Variants in HECW1 observed in about 807,000 individuals in gnomAD.
HECW1 encodes the protein E3 ubiquitin-protein ligase HECW1.
Under a neutral mutation model 182.3 loss-of-function variants are expected in HECW1, and 61 were observed. The observed-to-expected ratio is 0.33, with a 90% CI of 0.27 to 0.41. The LOEUF is 0.41. HECW1 is among the 10% of genes least tolerant of loss of function. The pLI is 1.00. For missense variants in HECW1, 1,739 were observed against 2,108.9 expected (o/e 0.82, Z 3.44); for synonymous variants, 859 against 832.6 (o/e 1.03, Z -0.55).
intron 16 of HECW1, among the ~76,000 whole-genome samples, chr7:43,471,748 G>A (rs1400811531): frequency 6.6e-6 from 1 of 152,174 alleles, no homozygotes; most frequent in East Asian, 1.9e-4. Context: ...GGCCCCATGG[G>A]TCCTATCTTG....
intron 2 of HECW1, among the ~76,000 whole-genome samples, chr7:43,206,346 G>T (rs527561114): frequency 6.6e-6 from 1 of 152,262 alleles, no homozygotes; most frequent in East Asian, 1.9e-4. Flanking sequence ...CAGGGGAGAG[G>T]AGAGGGAAAT....
chr7:43,211,045 CT>C (rs112987976), intron 2 of HECW1, among the ~76,000 whole-genome samples: 7 of 152,318 alleles, frequency 4.6e-5, no homozygotes, highest in African/African-American at 1.7e-4. Flanking sequence ...TCCTGCAGTG[CT>C]CTCAGGCGAT....
At chr7:43,247,196 C>G (rs1385034235) in intron 3 of HECW1, among the ~76,000 whole-genome samples, 1 of 152,164 alleles carries the variant, frequency 6.6e-6, no homozygotes, top group Non-Finnish European at 1.5e-5. Flanking sequence ...GTGGAATTTA[C>G]TGCCTTAAGG....
In HECW1 at chr7:43,565,103, A is replaced by C. The variant is rs2082298945; in HGVS notation, c.*3177A>C. 5.1e-6 allele frequency: 1 copy of C among 196,808 alleles called. No homozygotes were observed. The highest frequency in any genetic ancestry group is 1.1e-5 in the Non-Finnish European group (1 of 95,066). The allele number at this position is 196,808 out of a possible 1,614,324, so 12.2% of individuals were successfully genotyped here. ...GTGTTATAATAATTTCATGGATATC[A>C]CAAATGTTTTATTCTACAGTGTGAA... On this transcript the variant is annotated 3_prime_UTR_variant, in exon 30 of 30. Transcript: ENST00000395891.
chr7:43,123,382 T>A (rs1374372857), intron 2 of HECW1, among the ~76,000 whole-genome samples: 1 of 152,148 alleles, frequency 6.6e-6, no homozygotes, highest in East Asian at 1.9e-4. Context: ...TGACCTTGGG[T>A]CCCTTAGGGC....
chr7:43,488,430 GAAAGAGAAAGAAAGAAAGAAAGAAAGAA>G (rs1318161073), intron 17 of HECW1, among the ~76,000 whole-genome samples: 2 of 86,600 alleles, frequency 2.3e-5, no homozygotes, highest in Non-Finnish European at 4.7e-5. Context: ...GAGAAAGAAA[GAAAGAGAAAGAAAGAAAGAAAGAAAGAA>G]AGAAAGAAAG....
intron 26 of HECW1, among the ~76,000 whole-genome samples, chr7:43,542,940 G>A (rs972504215): frequency 5.3e-5 from 8 of 152,160 alleles, no homozygotes; most frequent in African/African-American, 1.7e-4. Flanking sequence ...TCATACATAC[G>A]TCAGGGATTT....
intron 10 of HECW1, among the ~76,000 whole-genome samples, chr7:43,443,793 CT>C (rs531140313): frequency 8.1e-4 from 123 of 152,262 alleles, no homozygotes; most frequent in African/African-American, 2.8e-3. Context: ...CCTGCAGGAC[CT>C]AAGCATAGGA....
Position 43,507,270 on chromosome 7 carries a change from G to A in HECW1, c.3752+13G>A. ...CGGGGAAAATTAAGTGAGTGCTCCA[G>A]TGCTTGGCACTGAATTCAGACAGTA... On this transcript the variant is annotated intron_variant, in intron 22 of 29. Coordinates refer to ENST00000395891, the MANE Select transcript of HECW1 (RefSeq NM_015052.5). The A allele has an allele frequency of 6.2e-7, 1 of 1,611,582 alleles. No homozygotes were observed. The highest frequency in any genetic ancestry group is 1.1e-5 in the South Asian group (1 of 91,016).
chr7:43,384,248 C>T (rs571757894), intron 6 of HECW1, among the ~76,000 whole-genome samples: 10 of 152,304 alleles, frequency 6.6e-5, no homozygotes, highest in Admixed American at 3.9e-4. Flanking sequence ...GGGTTCTCCA[C>T]GTACCCCCTG....
At chr7:43,377,393 C>G (rs1265872055) in intron 6 of HECW1, among the ~76,000 whole-genome samples, 1 of 152,148 alleles carries the variant, frequency 6.6e-6, no homozygotes, top group Non-Finnish European at 1.5e-5. Flanking sequence ...TGCGCTTACT[C>G]AAGAGTTTGT....
chr7:43,483,943 C>A (rs1370882981), intron 17 of HECW1, among the ~76,000 whole-genome samples: 1 of 152,050 alleles, frequency 6.6e-6, no homozygotes, highest in Admixed American at 6.6e-5. Flanking sequence ...GAGACCACTG[C>A]CACAATCAGA....
intron 3 of HECW1, among the ~76,000 whole-genome samples, chr7:43,307,760 A>G (rs773828503): frequency 6.6e-6 from 1 of 151,550 alleles, no homozygotes. Context: ...TTCAAGAAGC[A>G]ACTGTTGACA....
chr7:43,305,206 C>A (rs867553892), intron 3 of HECW1, among the ~76,000 whole-genome samples: 1 of 152,098 alleles, frequency 6.6e-6, no homozygotes, highest in Non-Finnish European at 1.5e-5. Context: ...CCACTATAAT[C>A]GTGATTAAAA....
intron 2 of HECW1, among the ~76,000 whole-genome samples, chr7:43,226,252 T>A (rs6972794): frequency 0.56 from 85,861 of 152,004 alleles, 25,135 homozygotes; most frequent in African/African-American, 0.7. Flanking sequence ...AGTTCAAATG[T>A]TACAAACTCT....
chr7:43,520,629 T>C (rs896486616), intron 24 of HECW1, among the ~76,000 whole-genome samples: 10 of 118,570 alleles, frequency 8.4e-5, no homozygotes, highest in African/African-American at 2.8e-4. Context: ...TATTTTTTTA[T>C]TATTATTATT....
At chr7:43,258,366 TA>T (rs140398568) in intron 3 of HECW1, among the ~76,000 whole-genome samples, 55,274 of 150,248 alleles carry the variant, frequency 0.37, 11,326 homozygotes, top group African/African-American at 0.56. Context: ...ATAAAAAAAA[TA>T]AAAAAATAAA....
At chr7:43,235,607 C>A (rs1305656259) in intron 2 of HECW1, among the ~76,000 whole-genome samples, 1 of 152,222 alleles carries the variant, frequency 6.6e-6, no homozygotes, top group African/African-American at 2.4e-5. Context: ...CATACAGAGA[C>A]ATGGTGCTCC....
chr7:43,347,177 T>C (rs1813791966), intron 5 of HECW1, among the ~76,000 whole-genome samples: 1 of 152,206 alleles, frequency 6.6e-6, no homozygotes, highest in East Asian at 1.9e-4. Context: ...TTCAGTAGTG[T>C]TTTGCACTTT....
Sources: gnomAD v4.1 joint callset for allele counts (sites outside exome capture counted in the v4.1 genomes callset) on GRCh38, gnomAD v4.1.1 for gene constraint, MANE v1.5 for transcripts, NCBI Gene and HGNC (gene_info 2026-07-23, HGNC 2026-07-21) for gene names.